PAX2: variants seen among roughly 807,000 people sequenced by gnomAD.
The protein encoded by PAX2 is paired box 2.
In PAX2, 9 loss-of-function variants were observed where a neutral mutation model predicts 41.7. That is an observed-to-expected ratio of 0.22 (90% CI 0.13 to 0.38). The LOEUF is 0.38. Ranked by LOEUF, PAX2 falls within the 10% of genes least tolerant of loss-of-function variation. PAX2 has a pLI of 1.00. For missense variants in PAX2, 418 were observed against 531.6 expected, an observed-to-expected ratio of 0.79 and a Z score of 2.10; for synonymous variants, 221 against 212.7, an observed-to-expected ratio of 1.04 and a Z score of -0.34.
chr10:100,799,402 C>A (rs926763420), intron 5 of PAX2, among the ~76,000 whole-genome samples: 1 of 152,204 alleles, frequency 6.6e-6, no homozygotes, highest in African/African-American at 2.4e-5. Flanking sequence ...TAAAATTGAA[C>A]TAACAGTATC....
chr10:100,753,544 C>T (rs911696637), intron 3 of PAX2, among the ~76,000 whole-genome samples: 10 of 152,226 alleles, frequency 6.6e-5, no homozygotes, highest in Admixed American at 2.6e-4. Flanking sequence ...TGTGGTGCAC[C>T]GGGGAACGGG....
intron 1 of PAX2, chr10:100,747,973 G>C (rs1034547344): frequency 2.0e-6 from 2 of 983,748 alleles, no homozygotes; most frequent in South Asian, 4.7e-5. Flanking sequence ...GCCAAGCAGA[G>C]GTCGGAGGGA....
intron 5 of PAX2, among the ~76,000 whole-genome samples, chr10:100,803,272 CT>C (rs1309165536): frequency 6.6e-6 from 1 of 152,068 alleles, no homozygotes; most frequent in Non-Finnish European, 1.5e-5. Flanking sequence ...GGCTTCTTCC[CT>C]TTCTTCCCCT....
chr10:100,788,259 C>A (rs753019799), intron 5 of PAX2, among the ~76,000 whole-genome samples: 1 of 152,226 alleles, frequency 6.6e-6, no homozygotes, highest in Non-Finnish European at 1.5e-5. Flanking sequence ...TCCTGGCCGC[C>A]CGCGATCGCC....
chr10:100,828,287 C>T lies in PAX2; in HGVS notation c.*668C>T, dbSNP rs1358483696. Reference sequence around the variant, plus strand: ...GGAACGGGCTTTGGGGGCGTCAGGTCTTTCCAAGGTTGGGACCCAAGGATC... The same window carrying T: ...GGAACGGGCTTTGGGGGCGTCAGGTTTTTCCAAGGTTGGGACCCAAGGATC... On this transcript the variant is annotated 3_prime_UTR_variant, in exon 10 of 10. Transcript: ENST00000355243. This position sits in a 1 kb window ranked among gnomAD's most constrained non-coding sequence, Gnocchi z 6.5. The T allele has an allele frequency of 4.3e-6, 1 of 232,626 alleles. No individual in the cohort carries two copies. Among genetic ancestry groups the T allele is most frequent in the Non-Finnish European group, 8.5e-6 (1 of 117,878 alleles). The allele number at this position is 232,626 out of a possible 1,614,324, so 14.4% of individuals were successfully genotyped here. A position where few individuals can be genotyped will look rare whatever the true frequency, so the allele number is the denominator to read the frequency against.
At chr10:100,783,030 C>T (rs544652378) in intron 5 of PAX2, among the ~76,000 whole-genome samples, 5 of 152,352 alleles carry the variant, frequency 3.3e-5, no homozygotes, top group South Asian at 2.1e-4. Flanking sequence ...ATGCCAACCT[C>T]GTGGCCAAGT....
intron 5 of PAX2, among the ~76,000 whole-genome samples, chr10:100,799,002 G>A (rs563558676): frequency 3.9e-5 from 6 of 152,374 alleles, no homozygotes; most frequent in Admixed American, 2.0e-4. Flanking sequence ...CCTCACTACC[G>A]AGGAGAACAA....
intron 1 of PAX2, among the ~76,000 whole-genome samples, chr10:100,737,528 G>A (rs541784699): frequency 5.9e-5 from 9 of 152,354 alleles, no homozygotes; most frequent in Non-Finnish European, 1.0e-4. Context: ...GGCAGCAGCA[G>A]CTCCGGGAAA....
rs1365314147 is a variant in PAX2 at position 100,748,723 on chromosome 10, G to A, written c.44-1023G>A. 8.1e-6 allele frequency: 8 copies of A among 985,394 alleles called. No homozygotes were observed. The highest frequency in any genetic ancestry group is 5.2e-4 in the Middle Eastern group (1 of 1,938). The allele number at this position is 985,394 out of a possible 1,614,324, so 61.0% of individuals were successfully genotyped here. ...GATCGGGAGCCCGCGCTGGAGCCGG[G>A]TTGGAAACCCCGTGCCCTTCTCTTG... is the stretch of plus-strand genomic sequence containing the variant. On this transcript the variant is annotated intron_variant, in intron 1 of 9. Transcript: ENST00000355243. The surrounding 1 kb of genome is among the most constrained non-coding windows in gnomAD (Gnocchi z 5.0).
Position 100,827,892 on chromosome 10 carries a change from G to A in PAX2, c.*273G>A, listed in dbSNP as rs1224667952. On this transcript the variant is annotated 3_prime_UTR_variant, in exon 10 of 10. Transcript: ENST00000355243. The surrounding 1 kb of genome is among the most constrained non-coding windows in gnomAD (Gnocchi z 8.5). ...CCCTCCCCGCCTGCCTGGACTGCGC[G>A]GCGCCGTGAGGGGGATTCGGCCCAG... 5 of 488,094 alleles carry A rather than the reference G, an allele frequency of 1.0e-5. No homozygotes were observed. The highest frequency in any genetic ancestry group is 1.8e-5 in the Non-Finnish European group (5 of 276,494). 30.2% of individuals were successfully genotyped at this position (488,094 alleles called of 1,614,324 possible). A position where few individuals can be genotyped will look rare whatever the true frequency, so the allele number is the denominator to read the frequency against.
intron 5 of PAX2, among the ~76,000 whole-genome samples, chr10:100,782,498 G>A (rs1303277514): frequency 6.6e-6 from 1 of 152,224 alleles, no homozygotes; most frequent in East Asian, 1.9e-4. Context: ...AGCTTGCCTG[G>A]GCCCACAGTC....
chr10:100,761,060 G>T (rs1022250736), intron 3 of PAX2, among the ~76,000 whole-genome samples: 1 of 152,208 alleles, frequency 6.6e-6, no homozygotes, highest in Non-Finnish European at 1.5e-5. Context: ...TGAGAGCGAG[G>T]GGAGGGTAGA....
At chr10:100,763,148 G>A (rs1845896620) in intron 3 of PAX2, among the ~76,000 whole-genome samples, 1 of 152,036 alleles carries the variant, frequency 6.6e-6, no homozygotes, top group Admixed American at 6.6e-5. Context: ...GTTTTATTCT[G>A]GGCTACTCTT....
rs1217241110 is a variant in PAX2, at chr10:100,779,505, C to A, written c.418C>A (p.Arg140=). 1.6e-5 allele frequency: 25 copies of A among 1,591,458 alleles called. No homozygotes were observed. Among genetic ancestry groups the A allele is most frequent in the Non-Finnish European group, 2.1e-5 (24 of 1,169,066 alleles). Reference sequence around the variant, plus strand: ...GTTGTGACGCTGTTGCAGAATCATCCGGACCAAAGTTCAGCAGCCTTTCCA... The same window carrying A: ...GTTGTGACGCTGTTGCAGAATCATCAGGACCAAAGTTCAGCAGCCTTTCCA... ...PSVSSINRII[R]TKVQQPFHPT... is the part of the protein sequence containing the mutation. Residue 140 remains arginine (R), a synonymous_variant, in exon 4 of 10, where the codon CGG becomes AGG. Transcript: ENST00000355243.
chr10:100,746,295 C>G lies in PAX2; in HGVS notation c.35C>G (p.Ala12Gly). Reference protein sequence around the residue: ...DMHCKADPFSAMHPGHGGVNQ... With the variant: ...DMHCKADPFSGMHPGHGGVNQ... ...CACTGCAAAGCAGACCCCTTCTCCG[C>G]GATGCACCGTGAGTACCGGCGCCCG... Residue 12 changes from alanine (A) to glycine (G), a missense_variant, in exon 1 of 10, where the codon GCG (alanine) becomes GGG (glycine). Ala to Gly is a moderately conservative substitution (Grantham distance 60). Coordinates refer to ENST00000355243, the MANE Select transcript of PAX2 (RefSeq NM_000278.5). 1 of 1,607,740 alleles carries G rather than the reference C, an allele frequency of 6.2e-7. No individual in the cohort carries two copies.
intron 3 of PAX2, among the ~76,000 whole-genome samples, chr10:100,770,427 C>T (rs3862027): frequency 0.18 from 27,471 of 152,236 alleles, 2,748 homozygotes; most frequent in Middle Eastern, 0.32. Context: ...TAGTCTGTCA[C>T]GCTCTGGGCT....
chr10:100,749,508 T>C, intron 1 of PAX2: 1 of 1,341,686 alleles, frequency 7.5e-7, no homozygotes, highest in East Asian at 2.9e-5. Flanking sequence ...GCTTTCTACC[T>C]TGCGTCGCAA....
chr10:100,741,785 C>T (rs989103361), upstream of PAX2, among the ~76,000 whole-genome samples: 2 of 152,262 alleles, frequency 1.3e-5, no homozygotes, highest in Admixed American at 1.3e-4. Flanking sequence ...CTCTTCCCTT[C>T]GGACTACTTT....
At chr10:100,758,355 T>C in intron 3 of PAX2, among the ~76,000 whole-genome samples, 1 of 152,256 alleles carries the variant, frequency 6.6e-6, no homozygotes, top group South Asian at 2.1e-4. Context: ...TTAGCCGGGA[T>C]GGTCTCGATC....
Sources: allele counts gnomAD v4.1 joint callset (sites outside exome capture counted in the v4.1 genomes callset), GRCh38; gene constraint gnomAD v4.1.1; non-coding constraint Gnocchi (gnomAD v3.1); transcripts MANE v1.5; gene names NCBI Gene and HGNC (gene_info 2026-07-23, HGNC 2026-07-21).